Variants in KLHL3 observed in about 807,000 individuals in gnomAD.
The protein encoded by KLHL3 is kelch-like protein 3.
In KLHL3, 19 loss-of-function variants were observed where a neutral mutation model predicts 70.5. The observed-to-expected ratio is 0.27, with a 90% CI of 0.19 to 0.40. KLHL3 has a LOEUF of 0.40. Among genes scored for constraint, KLHL3 ranks in the 10% least tolerant of loss-of-function variants. The pLI is 1.00. For missense variants in KLHL3, 512 were observed against 771.1 expected (o/e 0.66, Z 3.98); for synonymous variants, 258 against 290.3 (o/e 0.89, Z 1.13).
At chr5:137,704,105 C>T (rs2149925828) in intron 3 of KLHL3, among the ~76,000 whole-genome samples, 1 of 152,272 alleles carries the variant, frequency 6.6e-6, no homozygotes, top group East Asian at 1.9e-4. Flanking sequence ...CGCACCTATG[C>T]AGTTAAGATT....
In KLHL3 at chr5:137,735,718, T is replaced by C; in HGVS notation, c.-72A>G. On this transcript the variant is annotated 5_prime_UTR_variant, in exon 1 of 15. Transcript: ENST00000309755. Reference sequence around the variant, plus strand: ...TCGGGGATCCTAGTTCTGTTCTTGATTCTCCCAGCAGACCAGTGGGAAATC... The same window carrying C: ...TCGGGGATCCTAGTTCTGTTCTTGACTCTCCCAGCAGACCAGTGGGAAATC... 1 of 1,612,014 alleles carries C rather than the reference T, an allele frequency of 6.2e-7. No homozygotes were observed. Among genetic ancestry groups the C allele is most frequent in the Non-Finnish European group, 8.5e-7 (1 of 1,178,074 alleles).
intron 13 of KLHL3, among the ~76,000 whole-genome samples, chr5:137,626,493 G>A (rs1445446769): frequency 6.6e-6 from 1 of 152,164 alleles, no homozygotes; most frequent in East Asian, 1.9e-4. Context: ...AGGGTCTAAG[G>A]CATAGGAAAA....
chr5:137,640,372 T>C (rs1355124057), intron 8 of KLHL3, among the ~76,000 whole-genome samples: 1 of 152,218 alleles, frequency 6.6e-6, no homozygotes, highest in African/African-American at 2.4e-5. Context: ...TTTTAAAGTA[T>C]TACTCAAAAG....
chr5:137,669,758 A>G (rs984720482), intron 6 of KLHL3, among the ~76,000 whole-genome samples: 1 of 152,242 alleles, frequency 6.6e-6, no homozygotes, highest in Non-Finnish European at 1.5e-5. Context: ...GTAGCTCCAA[A>G]CACGTGAGCA....
At chr5:137,702,152 C>T (rs539357015) in intron 3 of KLHL3, among the ~76,000 whole-genome samples, 8 of 152,220 alleles carry the variant, frequency 5.3e-5, no homozygotes, top group Non-Finnish European at 1.2e-4. Flanking sequence ...AAACCAACAA[C>T]TGCAAAAGAT....
intron 11 of KLHL3, among the ~76,000 whole-genome samples, chr5:137,635,241 TCG>T (rs1750738970): frequency 6.6e-6 from 1 of 152,248 alleles, no homozygotes. Flanking sequence ...TCTATCATCA[TCG>T]AGCCTGGCTT....
chr5:137,693,431 C>T lies in KLHL3; in HGVS notation c.364-984G>A, dbSNP rs183721842. Among the ~76,000 whole-genome samples the T allele has an allele frequency of 1.8e-4, 28 of 152,138 alleles. No individual in the cohort carries two copies. The East Asian group carries it at 4.3e-3, about 23-fold the overall frequency. On this transcript the variant is annotated intron_variant, in intron 4 of 14. Transcript: ENST00000309755. ...CAGGGAAGACTGGCTTGAGCAGGCC[C>T]GCTGGGTGCTCAGACAGCCAACCTC...
chr5:137,693,861 C>CTT (rs35666397), intron 4 of KLHL3, among the ~76,000 whole-genome samples: 2 of 144,088 alleles, frequency 1.4e-5, no homozygotes, highest in African/African-American at 2.5e-5. Context: ...AAAAAGACTT[C>CTT]TTTTTTTTTT....
intron 1 of KLHL3, among the ~76,000 whole-genome samples, chr5:137,726,524 C>T (rs999968548): frequency 6.6e-6 from 1 of 152,188 alleles, no homozygotes; most frequent in Non-Finnish European, 1.5e-5. Flanking sequence ...CCTCGGGATA[C>T]ATCAGTTCTA....
In KLHL3 at chr5:137,677,539, T is replaced by C; in HGVS notation, c.636+6A>G. ...GTTCCCGTTTCCCCAGTGAGCCATG[T>C]CATACCTTCTCTTCTGAAGAAACGG... is the stretch of plus-strand genomic sequence containing the variant. On this transcript the variant is annotated splice_donor_region_variant and intron_variant, in intron 6 of 14. Coordinates refer to ENST00000309755, the MANE Select transcript of KLHL3 (RefSeq NM_017415.3). 6.4e-7 allele frequency: 1 copy of C among 1,568,954 alleles called. No homozygotes were observed. The highest frequency in any genetic ancestry group is 8.7e-7 in the Non-Finnish European group (1 of 1,147,352).
chr5:137,735,654 G>C lies in KLHL3; in HGVS notation c.-8C>G. ...ATACCTTTCACCCTCCATTGTGTGA[G>C]GCCCAGCCAGGGTGGTAGCTGCTGA... On this transcript the variant is annotated 5_prime_UTR_variant, in exon 1 of 15. Transcript: ENST00000309755. 1 of 1,613,740 alleles carries C rather than the reference G, an allele frequency of 6.2e-7. No homozygotes were observed. Among genetic ancestry groups the C allele is most frequent in the Non-Finnish European group, 8.5e-7 (1 of 1,179,652 alleles).
intron 12 of KLHL3, 45 bp from the exon 13 acceptor site, chr5:137,628,482 A>G (rs370855693): frequency 6.2e-7 from 1 of 1,609,854 alleles, no homozygotes; most frequent in African/African-American, 1.3e-5. Context: ...TGACTACAGT[A>G]ACCAGAAATC....
intron 3 of KLHL3, among the ~76,000 whole-genome samples, chr5:137,700,017 T>C (rs1228753461): frequency 6.6e-6 from 1 of 152,204 alleles, no homozygotes; most frequent in Non-Finnish European, 1.5e-5. Context: ...GCCTGCTCCC[T>C]TAACTGCCAG....
At chr5:137,649,075 T>C (rs1168319596) in intron 8 of KLHL3, among the ~76,000 whole-genome samples, 1 of 152,322 alleles carries the variant, frequency 6.6e-6, no homozygotes, top group Admixed American at 6.5e-5. Context: ...TTGGAAGCAA[T>C]ATAATAAAAC....
intron 6 of KLHL3, among the ~76,000 whole-genome samples, chr5:137,662,647 C>G (rs1436854469): frequency 1.3e-5 from 2 of 152,154 alleles, no homozygotes; most frequent in Admixed American, 1.3e-4. Context: ...AAAGGCAGAC[C>G]TATACTTTGG....
At chr5:137,626,786 T>C (rs549984094) in intron 13 of KLHL3, among the ~76,000 whole-genome samples, 3 of 152,270 alleles carry the variant, frequency 2.0e-5, no homozygotes, top group African/African-American at 7.2e-5. Context: ...GATGGATCAC[T>C]TGAGCCCAGG....
intron 7 of KLHL3, chr5:137,661,070 G>A (rs973575259): frequency 2.0e-5 from 3 of 152,146 alleles, no homozygotes; most frequent in African/African-American, 7.2e-5. Context: ...TTTATTCTCT[G>A]CTTATAAAAG....
intron 5 of KLHL3, among the ~76,000 whole-genome samples, chr5:137,686,968 A>T (rs1187313877): frequency 1.2e-3 from 15 of 12,084 alleles, no homozygotes; most frequent in Non-Finnish European, 1.6e-3. Context: ...TCCGGGAGGG[A>T]GGTGGGGGGG....
chr5:137,621,910 G>T lies in KLHL3; in HGVS notation c.*188C>A. On this transcript the variant is annotated 3_prime_UTR_variant, in exon 15 of 15. Coordinates refer to ENST00000309755, the MANE Select transcript of KLHL3 (RefSeq NM_017415.3). ...CAGGGCATAGGCCAGAGCACCTCAG[G>T]GGAACGGGGGTGGGTAATGGTGTCC... is the stretch of plus-strand genomic sequence containing the variant. 1.5e-6 allele frequency: 1 copy of T among 653,464 alleles called. No homozygotes were observed. Among genetic ancestry groups the T allele is most frequent in the South Asian group, 1.8e-5 (1 of 54,526 alleles). The allele number at this position is 653,464 out of a possible 1,614,324, so 40.5% of individuals were successfully genotyped here. A position where few individuals can be genotyped will look rare whatever the true frequency, so the allele number is the denominator to read the frequency against.
Sources: allele counts gnomAD v4.1 joint callset (sites outside exome capture counted in the v4.1 genomes callset), GRCh38; gene constraint gnomAD v4.1.1; transcripts MANE v1.5; gene names NCBI Gene and HGNC (gene_info 2026-07-23, HGNC 2026-07-21).